EPG5: variants seen among roughly 807,000 people sequenced by gnomAD.
EPG5 encodes ectopic P-granules 5 autophagy tethering factor, also known as ectopic P granules protein 5 homolog.
EPG5 carries 159 observed loss-of-function variants against 302.7 expected under a neutral mutation model. The ratio of observed to expected loss-of-function variants is 0.53; its 90% CI spans 0.46 to 0.60. The LOEUF (loss-of-function observed/expected upper bound fraction) is 0.60. Among genes scored for constraint, EPG5 ranks in the 20% least tolerant of loss-of-function variants. The pLI, the probability that EPG5 is intolerant of heterozygous loss-of-function variation, is 0.00. For synonymous variants in EPG5, 1,158 were observed against 1,136.8 expected (o/e 1.02, Z -0.37); for missense variants, 2,896 against 3,092.4 (o/e 0.94, Z 1.51).
chr18:45,933,038 G>C (rs1362473237), intron 11 of EPG5, among the ~76,000 whole-genome samples: 1 of 152,202 alleles, frequency 6.6e-6, no homozygotes, highest in African/African-American at 2.4e-5. Flanking sequence ...ACCTACCCAG[G>C]ACTCAGGTAT....
At chr18:45,844,284 C>T (rs1408111760), downstream of EPG5, among the ~76,000 whole-genome samples, 3 of 150,816 alleles carry the variant, frequency 2.0e-5, no homozygotes, top group Admixed American at 6.7e-5. Context: ...AGGGAGCGGG[C>T]GATAACGTGG....
the EPG5 span, among the ~76,000 whole-genome samples, chr18:45,838,185 A>G: frequency 2.6e-5 from 4 of 152,202 alleles, 1 homozygote; most frequent in Admixed American, 1.3e-4. Flanking sequence ...CGAAGAGGCG[A>G]GAAAGACAAG....
chr18:45,949,542 AGAAG>A lies in EPG5; in HGVS notation c.1435_1438del (p.Leu479Ter), dbSNP rs762639913. 3.1e-6 allele frequency: 5 copies of A among 1,613,516 alleles called. No individual in the cohort carries two copies. The highest frequency in any genetic ancestry group is 4.2e-6 in the Non-Finnish European group (5 of 1,179,566). ...AGCGGGGCATCGAAGAATATGGTTT[AGAAG>A]GAAGAGGTGATCTCCAGGACAGCCA... On this transcript the variant is annotated frameshift_variant, in exon 5 of 44. Coordinates refer to ENST00000282041, the MANE Select transcript of EPG5 (RefSeq NM_020964.3). LOFTEE classifies it high-confidence loss of function.
intron 29 of EPG5, among the ~76,000 whole-genome samples, chr18:45,886,806 G>A (rs966160963): frequency 7.2e-5 from 11 of 151,966 alleles, no homozygotes; most frequent in African/African-American, 2.2e-4. Context: ...TTATAGGCAC[G>A]CACCACCACA....
Position 45,866,834 on chromosome 18 carries a change from C to A in EPG5, c.6585G>T (p.Ala2195=). 6.2e-7 allele frequency: 1 copy of A among 1,614,040 alleles called. No homozygotes were observed. Among genetic ancestry groups the A allele is most frequent in the Non-Finnish European group, 8.5e-7 (1 of 1,179,978 alleles). ...ELIMKLLKVS[A]GLSIPTDSQK... ...GGCTGTCAGTAGGAATAGAAAGGCC[C>A]GCAGACACTTTTAGGAGCTTCATGA... The change falls in exon 38 of 44, where the codon GCG becomes GCT. Residue 2195 remains alanine (A), a synonymous_variant. Transcript: ENST00000282041.
intron 24 of EPG5, chr18:45,907,068 C>T (rs1013785883): frequency 6.6e-6 from 1 of 152,066 alleles, no homozygotes; most frequent in Admixed American, 6.6e-5. Flanking sequence ...GTACCTGGCA[C>T]TTAGAAGACA....
At chr18:45,949,445 T>C (rs1223612511) in intron 5 of EPG5, 39 bp downstream of exon 5, 1 of 1,263,436 alleles carries the variant, frequency 7.9e-7, no homozygotes. Flanking sequence ...ATAAAACCTC[T>C]CCCCCAACCC....
At chr18:45,852,788 G>T in intron 43 of EPG5, 139 bp from the exon 44 acceptor site, 1 of 727,520 alleles carries the variant, frequency 1.4e-6, no homozygotes, top group Non-Finnish European at 2.3e-6. Context: ...GAGGCCAGGA[G>T]TCCGGAAGGC....
At chr18:45,920,407 T>A (rs1020727333) in intron 16 of EPG5, among the ~76,000 whole-genome samples, 2 of 152,206 alleles carry the variant, frequency 1.3e-5, no homozygotes, top group African/African-American at 4.8e-5. Context: ...ACTCTGCTCA[T>A]CAGCCTAGGA....
Position 45,927,003 on chromosome 18 carries a change from C to T in EPG5, c.2554-1101G>A, listed in dbSNP as rs527513624. Among the ~76,000 whole-genome samples the T allele has an allele frequency of 2.0e-5, 3 of 151,520 alleles. No individual in the cohort carries two copies. In the South Asian group the frequency reaches 6.3e-4, roughly 32 times the overall value. On this transcript the variant is annotated intron_variant, in intron 13 of 43. Coordinates refer to ENST00000282041, the MANE Select transcript of EPG5 (RefSeq NM_020964.3). ...GAAAAGCTTTTTATCTCAATATAAT[C>T]ATCTTGCAGTAGCATACAATGTTTT...
Position 45,946,653 on chromosome 18 carries a change from G to A in EPG5, c.1677+10C>T, listed in dbSNP as rs1328765505. ...TGATTCATCAAAATAATGCAGATAT[G>A]ACAAGTTACCTCTTCTCCTCCTTCG... On this transcript the variant is annotated intron_variant, in intron 7 of 43. Coordinates refer to ENST00000282041, the MANE Select transcript of EPG5 (RefSeq NM_020964.3). 1.9e-6 allele frequency: 3 copies of A among 1,600,274 alleles called. No individual in the cohort carries two copies. The highest frequency in any genetic ancestry group is 8.6e-7 in the Non-Finnish European group (1 of 1,167,842).
At position 45,858,773 on chromosome 18, in the gene EPG5, T is replaced by C. The variant is rs1486004173; in HGVS notation, c.7019A>G (p.Asn2340Ser). The C allele has an allele frequency of 8.1e-6, 13 of 1,613,094 alleles. No homozygotes were observed. In the East Asian group the frequency reaches 2.5e-4, roughly 30 times the overall value. Residue 2340 changes from asparagine to serine, a missense_variant, in exon 41 of 44, where the codon AAT becomes AGT. By Grantham distance (46) the Asn-to-Ser change is conservative. Around this residue, in one of 5 missense-constraint regions of EPG5, gnomAD observed 620 missense variants for 704.2 expected, o/e 0.88. Coordinates refer to ENST00000282041, the MANE Select transcript of EPG5 (RefSeq NM_020964.3). ...AATGGGTCCCCATCCTGAATTCTGA[T>C]TGAGAGGGCCTAAGAACATGAAGAA... The part of the protein sequence containing the change: ...ITAYFKESPL[N>S]QNSGWGPILV...
chr18:45,876,117 T>G, intron 35 of EPG5, 119 bp downstream of exon 35: 1 of 680,618 alleles, frequency 1.5e-6, no homozygotes, highest in Admixed American at 2.8e-5. Context: ...CAGCGACTTT[T>G]CTTCAGTCAC....
At chr18:45,936,621 G>A (rs1000512382) in intron 10 of EPG5, among the ~76,000 whole-genome samples, 13 of 151,328 alleles carry the variant, frequency 8.6e-5, no homozygotes, top group African/African-American at 2.9e-4. Flanking sequence ...TCAGCTACTC[G>A]GGAGGCTGAG....
intron 16 of EPG5, among the ~76,000 whole-genome samples, chr18:45,919,316 C>T (rs1599571674): frequency 6.6e-6 from 1 of 152,196 alleles, no homozygotes; most frequent in Admixed American, 6.5e-5. Context: ...CATTCTCACT[C>T]TCACTCCCAT....
intron 1 of EPG5, among the ~76,000 whole-genome samples, chr18:45,960,521 C>G (rs2051126522): frequency 6.7e-6 from 1 of 148,730 alleles, no homozygotes; most frequent in Admixed American, 6.6e-5. Flanking sequence ...AAGTTACATA[C>G]AGATTAAAAA....
chr18:45,888,359 A>G (rs1728056390), intron 28 of EPG5, among the ~76,000 whole-genome samples: 1 of 152,020 alleles, frequency 6.6e-6, no homozygotes, highest in African/African-American at 2.4e-5. Flanking sequence ...GCTGGAGTGC[A>G]ATGGCGCAAT....
rs144368839 is a variant in EPG5, at chr18:45,892,088, G to A, written c.4810-2148C>T. 7.1e-3 allele frequency among the ~76,000 whole-genome samples: 1,083 copies of A among 152,288 alleles called. 6 individuals are homozygous for A. Among genetic ancestry groups the A allele is most frequent in the African/African-American group, 0.024 (996 of 41,548 alleles). ...AAGGCAAAGGATCCAGAGACCACTTGACTGGAAAAATGCAGACAGGACTAA... is the reference window on the plus strand; with the variant it reads ...AAGGCAAAGGATCCAGAGACCACTTAACTGGAAAAATGCAGACAGGACTAA... On this transcript the variant is annotated intron_variant, in intron 27 of 43. Coordinates refer to ENST00000282041, the MANE Select transcript of EPG5 (RefSeq NM_020964.3).
chr18:45,934,160 G>T (rs181516283), intron 11 of EPG5, among the ~76,000 whole-genome samples: 1 of 151,712 alleles, frequency 6.6e-6, no homozygotes, highest in Non-Finnish European at 1.5e-5. Context: ...GTGATAGCGT[G>T]GACCTGTAAG....
Sources: gnomAD v4.1 joint callset for allele counts (sites outside exome capture counted in the v4.1 genomes callset) on GRCh38, gnomAD v4.1.1 for gene constraint, gnomAD v4.1.1 regional missense constraint, MANE v1.5 for transcripts, NCBI Gene and HGNC (gene_info 2026-07-23, HGNC 2026-07-21) for gene names.